CD200R1: variants seen among roughly 807,000 people sequenced by gnomAD.
CD200R1 encodes the protein cell surface glycoprotein CD200 receptor 1.
A neutral mutation model predicts 38.1 loss-of-function variants in CD200R1; 30 were observed. The observed-to-expected ratio is 0.79, with a 90% CI of 0.59 to 1.07. The LOEUF is 1.07. Among genes scored for constraint, CD200R1 ranks in the 50% least tolerant of loss-of-function variants. CD200R1 has a pLI of 0.00. For synonymous variants in CD200R1, 128 were observed against 152.1 expected, an observed-to-expected ratio of 0.84 and a Z score of 1.16; for missense variants, 372 against 415.4, an observed-to-expected ratio of 0.90 and a Z score of 0.91.
intron 1 of CD200R1, among the ~76,000 whole-genome samples, chr3:112,971,952 C>T (rs1933320572): frequency 6.6e-6 from 1 of 152,174 alleles, no homozygotes; most frequent in Non-Finnish European, 1.5e-5. Context: ...CTCCAACCCA[C>T]TGTAATTTCT....
intron 3 of CD200R1, among the ~76,000 whole-genome samples, chr3:112,930,525 T>C (rs1315904543): frequency 6.6e-6 from 1 of 152,228 alleles, no homozygotes; most frequent in Non-Finnish European, 1.5e-5. Context: ...TAGAACCTCA[T>C]GCATCCCATA....
chr3:112,952,183 C>CAT (rs371800855), intron 1 of CD200R1, among the ~76,000 whole-genome samples: 1 of 152,000 alleles, frequency 6.6e-6, no homozygotes, highest in Non-Finnish European at 1.5e-5. Flanking sequence ...AATAGACACA[C>CAT]ATATATATAC....
chr3:112,968,526 A>G (rs1933222224), intron 1 of CD200R1, among the ~76,000 whole-genome samples: 2 of 152,186 alleles, frequency 1.3e-5, no homozygotes, highest in South Asian at 4.1e-4. Flanking sequence ...ATAGGGGATC[A>G]GAGTTGTGGG....
At chr3:112,933,724 T>C (rs753055746) in intron 2 of CD200R1, among the ~76,000 whole-genome samples, 1 of 151,982 alleles carries the variant, frequency 6.6e-6, no homozygotes, top group Admixed American at 6.5e-5. Context: ...AGAATACAGA[T>C]AAACAATTCA....
At chr3:112,932,869 T>C (rs1233272034) in intron 2 of CD200R1, among the ~76,000 whole-genome samples, 1 of 151,892 alleles carries the variant, frequency 6.6e-6, no homozygotes, top group Non-Finnish European at 1.5e-5. Flanking sequence ...GCCTACCAAG[T>C]GGCCCCGTGC....
rs1194726276 is a variant in CD200R1 at position 112,974,886 on chromosome 3, T to C, written c.-29A>G. 2 of 1,587,046 alleles carry C rather than the reference T, an allele frequency of 1.3e-6. No homozygotes were observed. Among genetic ancestry groups the C allele is most frequent in the Non-Finnish European group, 1.7e-6 (2 of 1,156,246 alleles). On this transcript the variant is annotated 5_prime_UTR_variant, in exon 1 of 8. Coordinates refer to ENST00000308611, the MANE Select transcript of CD200R1 (RefSeq NM_138806.4). ...TGTTTTCTCTTTTTCTGCCCTTCAC[T>C]CAGTACTTTTCCTCCACACAGGTAC...
chr3:112,947,343 T>A (rs1308558553), intron 2 of CD200R1, among the ~76,000 whole-genome samples: 1 of 152,140 alleles, frequency 6.6e-6, no homozygotes, highest in Admixed American at 6.5e-5. Flanking sequence ...ACCACTCTAG[T>A]CAGGTATGTT....
At position 112,929,378 on chromosome 3, in the gene CD200R1, T is replaced by C. The variant is rs1477948366; in HGVS notation, c.332A>G (p.Tyr111Cys). Residue 111 changes from tyrosine (Y) to cysteine (C), a missense_variant, in exon 4 of 8, where the codon TAC becomes TGC. Coordinates refer to ENST00000308611, the MANE Select transcript of CD200R1 (RefSeq NM_138806.4). ...LRGQPSCTKA[Y>C]KKETNETKET... is the part of the protein sequence containing the mutation. Reference sequence around the variant, plus strand: ...CTTGGTCTCATTTGTTTCTTTCTTGTAGGCTTTTGTGCAGGAAGGCTGGCC... The same window carrying C: ...CTTGGTCTCATTTGTTTCTTTCTTGCAGGCTTTTGTGCAGGAAGGCTGGCC... The C allele has an allele frequency of 1.9e-6, 3 of 1,614,080 alleles. No individual in the cohort carries two copies. The highest frequency in any genetic ancestry group is 2.2e-5 in the East Asian group (1 of 44,882).
Position 112,924,491 on chromosome 3 carries a change from TC to T in CD200R1, c.922del (p.Glu308ArgfsTer24). ...TTAGTCTTTTTTATCTTATCTTACC[TC>T]CTCAACAACTGGAGTAGATTCTGTT... ...NKTESTPVVE[E>X]DEMQPYASYT... On this transcript the variant is annotated frameshift_variant and splice_region_variant, in exon 7 of 8. Coordinates refer to ENST00000308611, the MANE Select transcript of CD200R1 (RefSeq NM_138806.4). LOFTEE classifies it low-confidence loss of function (END_TRUNC). 1 of 1,340,450 alleles carries T rather than the reference TC, an allele frequency of 7.5e-7. No homozygotes were observed. The highest frequency in any genetic ancestry group is 9.8e-7 in the Non-Finnish European group (1 of 1,021,906). 83.0% of individuals were successfully genotyped at this position (1,340,450 alleles called of 1,614,324 possible).
intron 7 of CD200R1, 75 bp from the exon 8 acceptor site, chr3:112,923,874 C>G: frequency 1.1e-6 from 1 of 910,770 alleles, no homozygotes; most frequent in Non-Finnish European, 1.7e-6. Context: ...TAACAGTTGC[C>G]CATAGCTTTA....
intron 2 of CD200R1, among the ~76,000 whole-genome samples, chr3:112,933,926 G>C (rs1940515490): frequency 6.6e-6 from 1 of 151,252 alleles, no homozygotes; most frequent in South Asian, 2.1e-4. Flanking sequence ...TAATACATGA[G>C]GATTTTAAAA....
At chr3:112,955,853 G>A (rs1280005889) in intron 1 of CD200R1, among the ~76,000 whole-genome samples, 8 of 149,598 alleles carry the variant, frequency 5.3e-5, no homozygotes, top group East Asian at 3.9e-4. Flanking sequence ...ATAAGGTTTC[G>A]GCTGAGAAGT....
At chr3:112,934,447 G>A (rs1441323554) in intron 2 of CD200R1, among the ~76,000 whole-genome samples, 1 of 152,040 alleles carries the variant, frequency 6.6e-6, no homozygotes, top group Admixed American at 6.6e-5. Context: ...TAAAATGACA[G>A]ATGTAAGTTC....
intron 2 of CD200R1, among the ~76,000 whole-genome samples, chr3:112,935,768 C>T (rs150484472): frequency 0.021 from 3,255 of 152,216 alleles, 40 homozygotes; most frequent in South Asian, 0.047. Flanking sequence ...ATGCAAAAAA[C>T]CAACAACAAA....
chr3:112,934,716 G>T (rs1940535895), intron 2 of CD200R1, among the ~76,000 whole-genome samples: 1 of 152,098 alleles, frequency 6.6e-6, no homozygotes, highest in Non-Finnish European at 1.5e-5. Context: ...TGTAATCCCA[G>T]CTACTCAGGA....
At position 112,929,282 on chromosome 3, in the gene CD200R1, C is replaced by T. The variant is rs144544564; in HGVS notation, c.428G>A (p.Arg143His). ...RPDQNSDLQIRTVAITHDGYY... is the reference protein window; with the variant it reads ...RPDQNSDLQIHTVAITHDGYY... ...CCCGTCATGAGTGATGGCCACGGTA[C>T]GAATCTGAAGGTCCGAATTCTGATC... Residue 143 changes from arginine (R) to histidine (H), a missense_variant, in exon 4 of 8, where the codon CGT becomes CAT. Transcript: ENST00000308611. 134 of 1,614,082 alleles carry T rather than the reference C, an allele frequency of 8.3e-5. No homozygotes were observed. Among genetic ancestry groups the T allele is most frequent in the African/African-American group, 2.7e-4 (20 of 75,012 alleles).
chr3:112,973,058 C>T (rs1244442934), intron 1 of CD200R1, among the ~76,000 whole-genome samples: 1 of 152,166 alleles, frequency 6.6e-6, no homozygotes, highest in African/African-American at 2.4e-5. Context: ...TGTAGTCTTT[C>T]CTAGTTGTGT....
At chr3:112,960,077 T>G (rs556553190) in intron 1 of CD200R1, among the ~76,000 whole-genome samples, 1 of 152,160 alleles carries the variant, frequency 6.6e-6, no homozygotes, top group East Asian at 1.9e-4. Context: ...AGGGTTTCAT[T>G]TTAAATGAAT....
intron 1 of CD200R1, among the ~76,000 whole-genome samples, chr3:112,966,656 CTACATAAACACA>C (rs1933170973): frequency 6.6e-6 from 1 of 152,000 alleles, no homozygotes; most frequent in African/African-American, 2.4e-5. Context: ...CACCTTAAAA[CTACATAAACACA>C]TACTGGTTGG....
Sources: gnomAD v4.1 joint callset for allele counts (sites outside exome capture counted in the v4.1 genomes callset) on GRCh38, gnomAD v4.1.1 for gene constraint, MANE v1.5 for transcripts, NCBI Gene and HGNC (gene_info 2026-07-23, HGNC 2026-07-21) for gene names.